The following INO80 variants were observed in gnomAD, a reference collection of about 807,000 sequenced individuals.
The protein encoded by INO80 is chromatin-remodeling ATPase INO80.
Under a neutral mutation model 203.4 loss-of-function variants are expected in INO80, and 20 were observed. The ratio of observed to expected loss-of-function variants is 0.10; its 90% confidence interval spans 0.07 to 0.14. INO80 has a LOEUF of 0.14. INO80 is among the 10% of genes least tolerant of loss of function. The probability of loss-of-function intolerance (pLI) is 1.00; values close to 1 mark genes in which losing one functional copy is unlikely to be tolerated. For synonymous variants in INO80, 726 were observed against 685.2 expected (o/e 1.06, Z -0.93); for missense variants, 1,419 against 1,914.4 (o/e 0.74, Z 4.83).
Position 41,057,728 on chromosome 15 carries a change from T to C in INO80, c.1985+911A>G, listed in dbSNP as rs1311249526. On this transcript the variant is annotated intron_variant, in intron 16 of 35. Coordinates refer to ENST00000648947, the MANE Select transcript of INO80 (RefSeq NM_017553.3). Reference sequence around the variant, plus strand: ...AGGAGAATTGCTTGAATCTGGGAGGTGGAGGTTGCAGTGAGCCGAGACTGC... The same window carrying C: ...AGGAGAATTGCTTGAATCTGGGAGGCGGAGGTTGCAGTGAGCCGAGACTGC... 5.4e-5 allele frequency among the ~76,000 whole-genome samples: 7 copies of C among 128,928 alleles called. No homozygotes were observed. In the Admixed American group the frequency reaches 7.0e-4, roughly 13 times the overall value. 84.6% of individuals were successfully genotyped at this position (128,928 alleles called of 152,430 possible).
intron 28 of INO80, among the ~76,000 whole-genome samples, chr15:41,003,918 C>CAGT (rs1319270138): frequency 6.6e-6 from 1 of 152,190 alleles, no homozygotes; most frequent in Non-Finnish European, 1.5e-5. Context: ...AGGAAACATA[C>CAGT]AGTCTATAGC....
chr15:41,059,189 T>C (rs1252051376), intron 15 of INO80, among the ~76,000 whole-genome samples: 1 of 151,486 alleles, frequency 6.6e-6, no homozygotes, highest in East Asian at 2.0e-4. Context: ...CTCGAACTCC[T>C]GGACTCAAGT....
At position 41,036,156 on chromosome 15, in the gene INO80, GAAAAAAAA is replaced by G. The variant is rs369185302; in HGVS notation, c.2908-8428_2908-8421del. On this transcript the variant is annotated intron_variant, in intron 24 of 35. Coordinates refer to ENST00000648947, the MANE Select transcript of INO80 (RefSeq NM_017553.3). ...GGGCAACAGAGTGCAACTCTCTCTC[GAAAAAAAA>G]AAAAAAAAAAAAAAAAAAAAACCCA... 9.0e-4 allele frequency among the ~76,000 whole-genome samples: 29 copies of G among 32,142 alleles called. No individual in the cohort carries two copies. The East Asian group carries it at 0.015, about 17-fold the overall frequency. 21.1% of individuals were successfully genotyped at this position (32,142 alleles called of 152,430 possible).
intron 24 of INO80, among the ~76,000 whole-genome samples, chr15:41,039,453 G>C (rs1238374016): frequency 2.0e-5 from 3 of 152,200 alleles, no homozygotes; most frequent in African/African-American, 7.2e-5. Flanking sequence ...TTCAATATGT[G>C]CATGAGTGAC....
At chr15:41,104,633 A>G (rs1443648748) in intron 1 of INO80, among the ~76,000 whole-genome samples, 2 of 151,876 alleles carry the variant, frequency 1.3e-5, no homozygotes, top group African/African-American at 4.8e-5. Context: ...CGCCTCCCAG[A>G]TTCAAGGGAT....
At chr15:41,054,451 CAG>C (rs1455330526) in intron 18 of INO80, among the ~76,000 whole-genome samples, 1 of 152,040 alleles carries the variant, frequency 6.6e-6, no homozygotes, top group Admixed American at 6.5e-5. Context: ...CTCTTAAAAT[CAG>C]AGAGATATTA....
chr15:40,980,285 GGCT>G lies in INO80; in HGVS notation c.4606_4608del (p.Ser1536del). On this transcript the variant is annotated inframe_deletion, in exon 36 of 36. Coordinates refer to ENST00000648947, the MANE Select transcript of INO80 (RefSeq NM_017553.3). Reference sequence around the variant, plus strand: ...TTCCGGACCAGAGAGTCTGGGGCTAGGCTGCTGGTCATGTGGAGGTTCTTGGGA... The same window carrying G: ...TTCCGGACCAGAGAGTCTGGGGCTAGGCTGGTCATGTGGAGGTTCTTGGGA... The G allele has an allele frequency of 6.2e-7, 1 of 1,613,738 alleles. No individual in the cohort carries two copies.
At chr15:41,110,690 C>G (rs1393458289) in intron 1 of INO80, among the ~76,000 whole-genome samples, 2 of 152,178 alleles carry the variant, frequency 1.3e-5, no homozygotes, top group Non-Finnish European at 2.9e-5. Context: ...CTTGGTCTCC[C>G]AAAGTGCTGA....
At chr15:41,038,246 G>T (rs781163129) in intron 24 of INO80, among the ~76,000 whole-genome samples, 52 of 151,706 alleles carry the variant, frequency 3.4e-4, no homozygotes, top group Non-Finnish European at 6.3e-4. Context: ...CTGACCTCAG[G>T]TGATCCGCCC....
chr15:41,082,721 TTAAA>T (rs1283237610), intron 7 of INO80, among the ~76,000 whole-genome samples: 5 of 151,092 alleles, frequency 3.3e-5, no homozygotes, highest in Non-Finnish European at 5.9e-5. Flanking sequence ...CAAAAAAAAA[TTAAA>T]TAAACAGAAT....
At chr15:41,107,178 T>C (rs760367563) in intron 1 of INO80, among the ~76,000 whole-genome samples, 1 of 152,128 alleles carries the variant, frequency 6.6e-6, no homozygotes, top group African/African-American at 2.4e-5. Context: ...TCTAAAAAAA[T>C]TTTTTTTAAT....
chr15:41,020,957 C>G lies in INO80; in HGVS notation c.3217G>C (p.Ala1073Pro). 6.2e-7 allele frequency: 1 copy of G among 1,614,168 alleles called. No individual in the cohort carries two copies. The highest frequency in any genetic ancestry group is 1.3e-5 in the African/African-American group (1 of 75,068). Reference protein sequence around the residue: ...NRRSQFFPEPAGGLWSIRPQN... With the variant: ...NRRSQFFPEPPGGLWSIRPQN... The stretch of plus-strand genomic sequence containing the variant: ...GGTCTGATGCTCCACAGACCTCCAG[C>G]TGGCTCTGGGAAGAACTGTGATCGT... Residue 1073 changes from alanine to proline, a missense_variant, in exon 26 of 36, where the codon GCT (alanine) becomes CCT (proline). Around this residue, in one of 9 missense-constraint regions of INO80, gnomAD observed 302 missense variants for 345.4 expected, o/e 0.87. Transcript: ENST00000648947.
Position 41,088,200 on chromosome 15 carries a change from G to A in INO80, c.538-518C>T, listed in dbSNP as rs184230230. ...CCGCCCCTTGGTTCAAGCGATTCTC[G>A]TGTCTCAGCCTCCCAAGTAGCTGGG... On this transcript the variant is annotated intron_variant, in intron 5 of 35. Coordinates refer to ENST00000648947, the MANE Select transcript of INO80 (RefSeq NM_017553.3). Among the ~76,000 whole-genome samples, 416 of 148,122 alleles carry A rather than the reference G, an allele frequency of 2.8e-3. 3 individuals are homozygous for A. The highest frequency in any genetic ancestry group is 0.013 in the South Asian group (62 of 4,722).
At chr15:41,002,082 A>G (rs1019870814) in intron 28 of INO80, among the ~76,000 whole-genome samples, 1 of 152,192 alleles carries the variant, frequency 6.6e-6, no homozygotes, top group African/African-American at 2.4e-5. Context: ...CCAGTTTGTA[A>G]TGTAGGCAGG....
rs1416798821 is a variant in INO80, at chr15:41,090,924, TC to T, written c.537+1102del. Among the ~76,000 whole-genome samples the T allele has an allele frequency of 4.2e-5, 6 of 144,488 alleles. No individual in the cohort carries two copies. In the South Asian group the frequency reaches 1.1e-3, roughly 25 times the overall value. The allele number at this position is 144,488 out of a possible 152,430, so 94.8% of individuals were successfully genotyped here. On this transcript the variant is annotated intron_variant, in intron 5 of 35. Transcript: ENST00000648947. ...ATTGATTCCAGAGAATTTTAGAAAT[TC>T]TTTTTTTTTTTTTTTTTGAGATGAA...
At chr15:40,986,298 G>T in intron 31 of INO80, among the ~76,000 whole-genome samples, 2 of 144,688 alleles carry the variant, frequency 1.4e-5, no homozygotes, top group East Asian at 2.0e-4. Context: ...CACAAATTTT[G>T]CCTTCTACTC....
chr15:41,058,896 C>T lies in INO80; in HGVS notation c.1843-115G>A, dbSNP rs557529513. 6.5e-4 allele frequency: 604 copies of T among 925,480 alleles called. 5 individuals are homozygous for T. The East Asian group carries it at 0.015, about 24-fold the overall frequency. 57.3% of individuals were successfully genotyped at this position (925,480 alleles called of 1,614,324 possible). ...TGTTTAAGACAGCCCTGAAGATGTGCTTCTCCCATATGGTAGGGAGATGTG... is the reference window on the plus strand; with the variant it reads ...TGTTTAAGACAGCCCTGAAGATGTGTTTCTCCCATATGGTAGGGAGATGTG... On this transcript the variant is annotated intron_variant, in intron 15 of 35. Coordinates refer to ENST00000648947, the MANE Select transcript of INO80 (RefSeq NM_017553.3).
intron 23 of INO80, among the ~76,000 whole-genome samples, chr15:41,047,001 C>T (rs2044779510): frequency 6.6e-6 from 1 of 150,896 alleles, no homozygotes; most frequent in Non-Finnish European, 1.5e-5. Context: ...AGGCTGGCCT[C>T]AACTGATCCA....
At position 41,060,457 on chromosome 15, in the gene INO80, G is replaced by A. The variant is rs368512333; in HGVS notation, c.1783-531C>T. Among the ~76,000 whole-genome samples the A allele has an allele frequency of 1.3e-4, 19 of 151,864 alleles. No homozygotes were observed. In the East Asian group the frequency reaches 2.7e-3, roughly 22 times the overall value. On this transcript the variant is annotated intron_variant, in intron 14 of 35. Coordinates refer to ENST00000648947, the MANE Select transcript of INO80 (RefSeq NM_017553.3). ...AAAAATTAGCCGGGTGTGGTGGCAC[G>A]CGCCTGTAATCCCAGCTACTAGGGA...
Sources: allele counts gnomAD v4.1 joint callset (sites outside exome capture counted in the v4.1 genomes callset), GRCh38; gene constraint gnomAD v4.1.1; regional missense constraint gnomAD v4.1.1; transcripts MANE v1.5; gene names NCBI Gene and HGNC (gene_info 2026-07-23, HGNC 2026-07-21).